The following DDX19A variants were observed in gnomAD, a reference collection of about 807,000 sequenced individuals.
The protein encoded by DDX19A is DEAD-box helicase 19A.
DDX19A carries 12 observed loss-of-function variants against 60.6 expected under a neutral mutation model. The ratio of observed to expected loss-of-function variants is 0.20; its 90% CI spans 0.13 to 0.32. The LOEUF (loss-of-function observed/expected upper bound fraction) is 0.32, where lower values mean the gene tolerates loss of function less well. Ranked by LOEUF, DDX19A falls within the 10% of genes least tolerant of loss-of-function variation. DDX19A has a pLI of 1.00. For missense variants in DDX19A, 337 were observed against 600.6 expected, an observed-to-expected ratio of 0.56 and a Z score of 4.59; for synonymous variants, 206 against 218.2, an observed-to-expected ratio of 0.94 and a Z score of 0.49.
At chr16:70,347,112 ACAGGGAGCT>A in intron 1 of DDX19A, 64 bp downstream of exon 1, 1 of 1,521,996 alleles carries the variant, frequency 6.6e-7, no homozygotes, top group Non-Finnish European at 8.9e-7. Context: ...TCCCAAAAGC[ACAGGGAGCT>A]CCCCGGGTTG....
chr16:70,350,628 C>G, intron 2 of DDX19A, 23 bp downstream of exon 2: 1 of 1,593,716 alleles, frequency 6.3e-7, no homozygotes, highest in Non-Finnish European at 8.6e-7. Flanking sequence ...TAACTACAAG[C>G]TAGAAAAGAG....
At chr16:70,356,030 G>A (rs1186572880) in intron 3 of DDX19A, 82 bp from the exon 4 acceptor site, 3 of 1,578,946 alleles carry the variant, frequency 1.9e-6, no homozygotes, top group East Asian at 2.2e-5. Flanking sequence ...CCAGGTGCTA[G>A]TGTGGAGAGG....
chr16:70,368,270 G>C (rs1333650160), intron 9 of DDX19A, among the ~76,000 whole-genome samples: 1 of 151,942 alleles, frequency 6.6e-6, no homozygotes, highest in Non-Finnish European at 1.5e-5. Context: ...TGTGCCAAAA[G>C]TATTCTTTTT....
chr16:70,364,783 C>A, intron 6 of DDX19A, 138 bp downstream of exon 6: 1 of 715,654 alleles, frequency 1.4e-6, no homozygotes, highest in African/African-American at 1.8e-5. Context: ...TACACCAGGC[C>A]CTGACCTGGG....
intron 2 of DDX19A, among the ~76,000 whole-genome samples, chr16:70,354,395 C>A (rs1202153541): frequency 6.6e-6 from 1 of 152,174 alleles, no homozygotes; most frequent in Non-Finnish European, 1.5e-5. Flanking sequence ...GATCCACCCG[C>A]CTCAGCCTCC....
At chr16:70,362,367 G>A (rs1964391027) in intron 5 of DDX19A, among the ~76,000 whole-genome samples, 1 of 150,426 alleles carries the variant, frequency 6.6e-6, no homozygotes, top group Non-Finnish European at 1.5e-5. Flanking sequence ...AAAAAACTGG[G>A]TTTAAAAAAT....
intron 1 of DDX19A, among the ~76,000 whole-genome samples, chr16:70,347,479 T>G (rs1963870219): frequency 6.6e-6 from 1 of 152,220 alleles, no homozygotes. Context: ...ACTTTTGGAT[T>G]TAATACCTCA....
rs2047284231 is a variant in DDX19A, at chr16:70,372,198, G to C, written c.*212G>C. The C allele has an allele frequency of 1.4e-6, 1 of 701,368 alleles. No homozygotes were observed. The allele number at this position is 701,368 out of a possible 1,614,324, so 43.4% of individuals were successfully genotyped here. On this transcript the variant is annotated 3_prime_UTR_variant, in exon 12 of 12. Transcript: ENST00000302243. ...AAAAATTTGCATTTTGGAAAATTGGGTCCTTTCCCCACTTTTTTAAAGCCA... is the reference window on the plus strand; with the variant it reads ...AAAAATTTGCATTTTGGAAAATTGGCTCCTTTCCCCACTTTTTTAAAGCCA...
At chr16:70,370,090 G>C in intron 9 of DDX19A, 133 bp from the exon 10 acceptor site, 1 of 1,284,658 alleles carries the variant, frequency 7.8e-7, no homozygotes, top group Non-Finnish European at 1.0e-6. Flanking sequence ...CCAGCCCTTT[G>C]GGAAGCCAAG....
chr16:70,369,282 C>T (rs1045729513), intron 9 of DDX19A, among the ~76,000 whole-genome samples: 1 of 147,542 alleles, frequency 6.8e-6, no homozygotes, highest in Non-Finnish European at 1.5e-5. Context: ...CGGGTTCAAG[C>T]GATTCTCCTC....
intron 3 of DDX19A, chr16:70,355,902 C>T (rs1964170085): frequency 4.6e-6 from 3 of 647,638 alleles, no homozygotes; most frequent in Middle Eastern, 4.3e-4. Flanking sequence ...TTCTAGACTA[C>T]AGTGAGCTCT....
rs1487336694 is a variant in DDX19A at position 70,372,233 on chromosome 16, A to G, written c.*247A>G. On this transcript the variant is annotated 3_prime_UTR_variant, in exon 12 of 12. Coordinates refer to ENST00000302243, the MANE Select transcript of DDX19A (RefSeq NM_018332.5). ...CACTTTTTTAAAGCCACATTCCCCC[A>G]TCTTTATAATAATCTGGTCACAGTG... 3.3e-6 allele frequency: 2 copies of G among 598,220 alleles called. No homozygotes were observed. Among genetic ancestry groups the G allele is most frequent in the South Asian group, 2.0e-5 (1 of 48,968 alleles). 37.1% of individuals were successfully genotyped at this position (598,220 alleles called of 1,614,324 possible).
rs761746041 is a variant in DDX19A at position 70,364,594 on chromosome 16, C to T, written c.438C>T (p.Ala146=). Residue 146 remains alanine, a synonymous_variant, in exon 6 of 12, where the codon GCC becomes GCT. Transcript: ENST00000302243. ...QSQSGTGKTA[A]FVLAMLSRVE... is the part of the protein sequence containing the mutation. ...AGTCTGGCACTGGTAAAACAGCTGC[C>T]TTTGTCTTAGCCATGCTCAGCCGAG... 1.2e-6 allele frequency: 2 copies of T among 1,614,188 alleles called. No individual in the cohort carries two copies. Among genetic ancestry groups the T allele is most frequent in the Non-Finnish European group, 1.7e-6 (2 of 1,180,034 alleles).
chr16:70,357,980 T>C (rs1433160838), intron 4 of DDX19A, among the ~76,000 whole-genome samples: 3 of 152,126 alleles, frequency 2.0e-5, no homozygotes, highest in Non-Finnish European at 4.4e-5. Context: ...AGCTAACTAG[T>C]TGTTAAGTAA....
In DDX19A at chr16:70,372,924, C is replaced by G. The variant is rs1372415772; in HGVS notation, c.*938C>G. 1 of 152,180 alleles carries G rather than the reference C, an allele frequency of 6.6e-6. No individual in the cohort carries two copies. Among genetic ancestry groups the G allele is most frequent in the African/African-American group, 2.4e-5 (1 of 41,434 alleles). 9.4% of individuals were successfully genotyped at this position (152,180 alleles called of 1,614,324 possible). A position where few individuals can be genotyped will look rare whatever the true frequency, so the allele number is the denominator to read the frequency against. ...GTGGACATTATGGAGAGCTCTGATTCCTACATAATATGAATAAGGATGGAT... is the reference window on the plus strand; with the variant it reads ...GTGGACATTATGGAGAGCTCTGATTGCTACATAATATGAATAAGGATGGAT... On this transcript the variant is annotated 3_prime_UTR_variant, in exon 12 of 12. Coordinates refer to ENST00000302243, the MANE Select transcript of DDX19A (RefSeq NM_018332.5).
At chr16:70,356,864 G>C (rs1964205590) in intron 4 of DDX19A, 2 of 1,273,898 alleles carry the variant, frequency 1.6e-6, no homozygotes, top group Non-Finnish European at 2.0e-6. Context: ...ATAAAATATT[G>C]GCTGACAGGT....
At chr16:70,352,494 A>G (rs1283391378) in intron 2 of DDX19A, among the ~76,000 whole-genome samples, 1 of 151,982 alleles carries the variant, frequency 6.6e-6, no homozygotes, top group Admixed American at 6.6e-5. Context: ...CATGTTGGCC[A>G]GGTTGGTCTT....
chr16:70,369,620 CTTTT>C (rs139116601), intron 9 of DDX19A, among the ~76,000 whole-genome samples: 2 of 130,918 alleles, frequency 1.5e-5, no homozygotes, highest in Non-Finnish European at 1.7e-5. Flanking sequence ...TTCTTTTCTT[CTTTT>C]TTTTTTTTTT....
In DDX19A at chr16:70,366,098, G is replaced by T. The variant is rs201189165; in HGVS notation, c.618G>T (p.Gln206His). ...AVRGNKLERG[Q>H]KISEQIVIGT... ...GGGTCTCCACAGTGGAAAGAGGCCA[G>T]AAGATCAGTGAGCAGATTGTCATTG... Residue 206 changes from glutamine (Q) to histidine (H), a missense_variant, in exon 8 of 12, where the codon CAG becomes CAT. Physicochemically the swap from Gln to His is conservative, Grantham distance 24. Transcript: ENST00000302243. 4.9e-5 allele frequency: 79 copies of T among 1,614,078 alleles called. No homozygotes were observed. The highest frequency in any genetic ancestry group is 6.8e-6 in the Non-Finnish European group (8 of 1,180,042).
Sources: gnomAD v4.1 joint callset for allele counts (sites outside exome capture counted in the v4.1 genomes callset) on GRCh38, gnomAD v4.1.1 for gene constraint, MANE v1.5 for transcripts, NCBI Gene and HGNC (gene_info 2026-07-23, HGNC 2026-07-21) for gene names.